The following MYO1E variants were observed in gnomAD, a reference collection of about 807,000 sequenced individuals.
MYO1E encodes unconventional myosin-Ie.
In MYO1E, 68 loss-of-function variants were observed where a neutral mutation model predicts 151.1. The ratio of observed to expected loss-of-function variants is 0.45; its 90% CI spans 0.37 to 0.55. The LOEUF is 0.55. Ranked by LOEUF, MYO1E falls within the 20% of genes least tolerant of loss-of-function variation. The pLI, the probability that MYO1E is intolerant of heterozygous loss-of-function variation, is 0.00. For missense variants in MYO1E, 1,363 were observed against 1,389.3 expected, an observed-to-expected ratio of 0.98 and a Z score of 0.30; for synonymous variants, 601 against 501.7, an observed-to-expected ratio of 1.20 and a Z score of -2.64.
intron 1 of MYO1E, among the ~76,000 whole-genome samples, chr15:59,326,741 C>A (rs1436812503): frequency 6.6e-6 from 1 of 152,134 alleles, no homozygotes; most frequent in Non-Finnish European, 1.5e-5. Context: ...CTGCTACTTG[C>A]ATAATTTATA....
chr15:59,218,989 A>G (rs556856501), intron 9 of MYO1E, among the ~76,000 whole-genome samples: 18 of 152,282 alleles, frequency 1.2e-4, no homozygotes, highest in African/African-American at 3.6e-4. Flanking sequence ...ATGGTATGAT[A>G]TATTTGGGCT....
rs59491381 is a variant in MYO1E at position 59,319,550 on chromosome 15, C to CTTTTTTT, written c.4-47108_4-47102dup. 1.8e-3 allele frequency among the ~76,000 whole-genome samples: 116 copies of CTTTTTTT among 63,672 alleles called. 5 individuals carry two copies. The highest frequency in any genetic ancestry group is 0.011 in the East Asian group (23 of 2,014). The allele number at this position is 63,672 out of a possible 152,430, so 41.8% of individuals were successfully genotyped here. On this transcript the variant is annotated intron_variant, in intron 1 of 27. Transcript: ENST00000288235. ...AAGATAGGAAAAGAAGTCAAACTAC[C>CTTTTTTT]TTTTTTTTTTTTTTTTTTTTTTTTT...
chr15:59,295,252 AG>A (rs1317776319), intron 1 of MYO1E, among the ~76,000 whole-genome samples: 1 of 152,016 alleles, frequency 6.6e-6, no homozygotes, highest in East Asian at 1.9e-4. Context: ...GGGAGAGAGG[AG>A]GAAAAAAAAG....
chr15:59,240,292 G>C (rs2080091917), intron 4 of MYO1E, among the ~76,000 whole-genome samples: 1 of 152,182 alleles, frequency 6.6e-6, no homozygotes, highest in South Asian at 2.1e-4. Flanking sequence ...AGCCAGCTGG[G>C]AACAAGCCAA....
intron 26 of MYO1E, among the ~76,000 whole-genome samples, chr15:59,153,183 A>G (rs1427933709): frequency 6.6e-6 from 1 of 152,232 alleles, no homozygotes; most frequent in Non-Finnish European, 1.5e-5. Flanking sequence ...ATCATATAGA[A>G]TGCTGGGATG....
intron 26 of MYO1E, among the ~76,000 whole-genome samples, chr15:59,141,774 G>A (rs1455626300): frequency 1.4e-5 from 2 of 146,060 alleles, no homozygotes; most frequent in East Asian, 4.0e-4. Context: ...CTCCAGCCTG[G>A]GCCACAGAGT....
intron 1 of MYO1E, among the ~76,000 whole-genome samples, chr15:59,293,407 G>A (rs999526833): frequency 2.0e-5 from 3 of 151,952 alleles, no homozygotes; most frequent in Admixed American, 6.6e-5. Context: ...TTAGCCAGGC[G>A]TGGTGGCAGG....
intron 1 of MYO1E, among the ~76,000 whole-genome samples, chr15:59,279,129 G>C (rs907704856): frequency 6.6e-6 from 1 of 152,072 alleles, no homozygotes; most frequent in African/African-American, 2.4e-5. Context: ...TTTCATCCCT[G>C]AGACCTGACA....
chr15:59,287,690 G>T (rs1465592068), intron 1 of MYO1E, among the ~76,000 whole-genome samples: 1 of 152,148 alleles, frequency 6.6e-6, no homozygotes, highest in East Asian at 1.9e-4. Context: ...TGTCTGTGAG[G>T]GTTTCCTCCC....
rs141324422 is a variant in MYO1E, at chr15:59,165,373, C to A, written c.2481-2070G>T. On this transcript the variant is annotated intron_variant, in intron 22 of 27. Coordinates refer to ENST00000288235, the MANE Select transcript of MYO1E (RefSeq NM_004998.4). ...GAGCAGCCAAAGAGTTTCCCTTGGA[C>A]GTAAAGTCAGAACCCTTTACAGTGT... is the stretch of plus-strand genomic sequence containing the variant. 1.5e-3 allele frequency among the ~76,000 whole-genome samples: 225 copies of A among 152,280 alleles called. 2 individuals are homozygous for A. Among genetic ancestry groups the A allele is most frequent in the Middle Eastern group, 0.01 (3 of 294 alleles).
intron 18 of MYO1E, among the ~76,000 whole-genome samples, chr15:59,186,404 T>TA (rs111885234): frequency 0.091 from 13,602 of 149,376 alleles, 1,646 homozygotes; most frequent in African/African-American, 0.27. Context: ...AATCTGAATT[T>TA]TAAAAAAAAA....
At chr15:59,365,662 G>T (rs1266828152) in intron 1 of MYO1E, among the ~76,000 whole-genome samples, 1 of 152,182 alleles carries the variant, frequency 6.6e-6, no homozygotes, top group East Asian at 1.9e-4. Context: ...TGTAGCCTAT[G>T]TTTTACTTTC....
At chr15:59,174,532 G>A (rs543670788) in intron 19 of MYO1E, among the ~76,000 whole-genome samples, 15 of 152,138 alleles carry the variant, frequency 9.9e-5, no homozygotes, top group African/African-American at 3.6e-4. Flanking sequence ...AGAATCGAAT[G>A]AGCGATTCAA....
intron 1 of MYO1E, among the ~76,000 whole-genome samples, chr15:59,333,649 G>A (rs2080711426): frequency 6.6e-6 from 1 of 152,096 alleles, no homozygotes; most frequent in Non-Finnish European, 1.5e-5. Flanking sequence ...TGGTGAGTGG[G>A]TATCCTTCCT....
intron 1 of MYO1E, among the ~76,000 whole-genome samples, chr15:59,277,615 T>A (rs2080329021): frequency 6.6e-6 from 1 of 151,492 alleles, no homozygotes; most frequent in Non-Finnish European, 1.5e-5. Context: ...CTGTATTTTT[T>A]AGGAAACTAC....
rs1382554628 is a variant in MYO1E, at chr15:59,137,275, G to A, written c.*105C>T. The stretch of plus-strand genomic sequence containing the variant: ...GGTACCAGAATAGCTCCAGGCCTTG[G>A]AGAAGCAATTGCTCATTGTGGATTG... On this transcript the variant is annotated 3_prime_UTR_variant, in exon 28 of 28. Coordinates refer to ENST00000288235, the MANE Select transcript of MYO1E (RefSeq NM_004998.4). The A allele has an allele frequency of 4.7e-6, 5 of 1,054,564 alleles. No individual in the cohort carries two copies. In the Admixed American group the frequency reaches 7.2e-5, roughly 15 times the overall value. The allele number at this position is 1,054,564 out of a possible 1,614,324, so 65.3% of individuals were successfully genotyped here.
At chr15:59,355,074 T>TG (rs2080846006) in intron 1 of MYO1E, among the ~76,000 whole-genome samples, 1 of 152,184 alleles carries the variant, frequency 6.6e-6, no homozygotes, top group African/African-American at 2.4e-5. Context: ...CAAGTTGAAT[T>TG]GGAGGGTTTT....
chr15:59,202,590 G>C (rs1441453292), intron 15 of MYO1E, among the ~76,000 whole-genome samples, 183 bp from the exon 16 acceptor site: 2 of 152,162 alleles, frequency 1.3e-5, no homozygotes, highest in Non-Finnish European at 2.9e-5. Flanking sequence ...ACGGACAAAA[G>C]TCATGAAGGG....
intron 26 of MYO1E, among the ~76,000 whole-genome samples, chr15:59,141,405 C>T (rs78830571): frequency 0.027 from 4,062 of 152,262 alleles, 182 homozygotes; most frequent in African/African-American, 0.092. Context: ...GTTAAATCAC[C>T]TCTAGATTAC....
Sources: allele counts gnomAD v4.1 joint callset (sites outside exome capture counted in the v4.1 genomes callset), GRCh38; gene constraint gnomAD v4.1.1; transcripts MANE v1.5; gene names NCBI Gene and HGNC (gene_info 2026-07-23, HGNC 2026-07-21).